The following DUOX1 variants were observed in gnomAD, a reference collection of about 807,000 sequenced individuals.
DUOX1 encodes the protein dual oxidase 1.
DUOX1 carries 134 observed loss-of-function variants against 181.8 expected under a neutral mutation model. The observed-to-expected ratio is 0.74, with a 90% CI of 0.64 to 0.85. DUOX1 has a LOEUF of 0.85. Ranked by LOEUF, DUOX1 falls within the 40% of genes least tolerant of loss-of-function variation. DUOX1 has a pLI of 0.00. For synonymous variants in DUOX1, 798 were observed against 832.5 expected, an observed-to-expected ratio of 0.96 and a Z score of 0.71; for missense variants, 1,814 against 2,064.4, an observed-to-expected ratio of 0.88 and a Z score of 2.35.
intron 33 of DUOX1, 51 bp downstream of exon 33, chr15:45,163,969 G>C: frequency 3.1e-6 from 5 of 1,593,324 alleles, no homozygotes; most frequent in Non-Finnish European, 4.3e-6. Context: ...TTTGGGGTCT[G>C]AGCAAAGCTC....
In DUOX1 at chr15:45,151,142, G is replaced by T; in HGVS notation, c.2908G>T (p.Ala970Ser). The T allele has an allele frequency of 1.2e-6, 2 of 1,614,138 alleles. No individual in the cohort carries two copies. The highest frequency in any genetic ancestry group is 1.7e-6 in the Non-Finnish European group (2 of 1,180,014). Residue 970 changes from alanine to serine, a missense_variant, in exon 23 of 34, where the codon GCC becomes TCC. Ala to Ser is a moderately conservative substitution (Grantham distance 99, BLOSUM62 1). Coordinates refer to ENST00000389037, the MANE Select transcript of DUOX1 (RefSeq NM_175940.3). ...TCTTAGTCCCTCTCCCAGAGTGAGT[G>T]CCCGCTGTTCCCGCAGCGACATTGA... ...DMICPSPRVS[A>S]RCSRSDIETE...
At chr15:45,155,004 G>A (rs1462908993) in intron 27 of DUOX1, among the ~76,000 whole-genome samples, 7 of 152,246 alleles carry the variant, frequency 4.6e-5, no homozygotes, top group Admixed American at 4.6e-4. Flanking sequence ...GCTGTGTGCT[G>A]TGGCAGCCAA....
rs1425078657 is a variant in DUOX1, at chr15:45,157,848, A to T, written c.3702+1919A>T. 2.6e-5 allele frequency among the ~76,000 whole-genome samples: 4 copies of T among 151,826 alleles called. No homozygotes were observed. In the East Asian group the frequency reaches 7.7e-4, roughly 29 times the overall value. ...AAAAAAAAGAAATAAAAAAGGAAAA[A>T]AGAAAGGTGGAGGCCTCTATGCTAG... On this transcript the variant is annotated intron_variant, in intron 28 of 33. Transcript: ENST00000389037.
At position 45,147,457 on chromosome 15, in the gene DUOX1, G is replaced by A. The variant is rs762923757; in HGVS notation, c.2347G>A (p.Ala783Thr). The A allele has an allele frequency of 8.5e-5, 137 of 1,613,730 alleles. No homozygotes were observed. Among genetic ancestry groups the A allele is most frequent in the Non-Finnish European group, 1.1e-4 (134 of 1,179,910 alleles). The stretch of plus-strand genomic sequence containing the variant: ...GGTGCTGGACATCAACCAGGCCGAC[G>A]CAGGGACCCTGCCCCTGGACTCCTC... ...SQVLDINQADAGTLPLDSSQK... is the reference protein window; with the variant it reads ...SQVLDINQADTGTLPLDSSQK... Residue 783 changes from alanine (A) to threonine (T), a missense_variant, in exon 19 of 34, where the codon GCA becomes ACA. Ala to Thr is a moderately conservative substitution (Grantham distance 58). Around this residue, in one of 5 missense-constraint regions of DUOX1, gnomAD observed 1,064 missense variants for 1,152.9 expected, o/e 0.92. Transcript: ENST00000389037.
In DUOX1 at chr15:45,163,853, A is replaced by G. The variant is rs774400821; in HGVS notation, c.4468A>G (p.Ile1490Val). The change falls in exon 33 of 34, where the codon ATC becomes GTC. Residue 1490 changes from isoleucine (I) to valine (V), a missense_variant. Ile to Val is a conservative substitution (Grantham distance 29, BLOSUM62 3). This residue lies in a region of DUOX1 where 124 missense variants were observed against 125.7 expected (regional missense o/e 0.99). Coordinates refer to ENST00000389037, the MANE Select transcript of DUOX1 (RefSeq NM_175940.3). ...NRSLFTGLRS[I>V]THFGRPPFEP... ...GAGTCTATTCACAGGCCTGCGCTCC[A>G]TCACCCACTTTGGCCGTCCCCCCTT... 45 of 1,613,918 alleles carry G rather than the reference A, an allele frequency of 2.8e-5. No homozygotes were observed. The highest frequency in any genetic ancestry group is 1.0e-4 in the Admixed American group (6 of 59,984).
At chr15:45,150,006 T>C (rs1896761764) in intron 21 of DUOX1, among the ~76,000 whole-genome samples, 1 of 152,240 alleles carries the variant, frequency 6.6e-6, no homozygotes, top group Admixed American at 6.5e-5. Context: ...TCTTTTGACC[T>C]CAACTATAGA....
chr15:45,133,540 C>T (rs1368984137), intron 2 of DUOX1, among the ~76,000 whole-genome samples: 1 of 152,116 alleles, frequency 6.6e-6, no homozygotes, highest in African/African-American at 2.4e-5. Context: ...AGTAAAGTCC[C>T]CTGCATCCTA....
chr15:45,135,142 C>T lies in DUOX1; in HGVS notation c.346C>T (p.Pro116Ser), dbSNP rs200522609. ...TTCAGACCTGGTGAGCGTGGAAACT[C>T]CCGGCTGCCCCGCCGAGTTCCTCAA... is the stretch of plus-strand genomic sequence containing the variant. ...VLSDLVSVET[P>S]GCPAEFLNIR... The change falls in exon 5 of 34, where the codon CCC (proline) becomes TCC (serine). Residue 116 changes from proline to serine, a missense_variant. Coordinates refer to ENST00000389037, the MANE Select transcript of DUOX1 (RefSeq NM_175940.3). 1.2e-6 allele frequency: 2 copies of T among 1,613,710 alleles called. No individual in the cohort carries two copies. The highest frequency in any genetic ancestry group is 3.3e-5 in the Admixed American group (2 of 59,990).
chr15:45,136,607 C>A lies in DUOX1; in HGVS notation c.1004C>A (p.Pro335His). 6.2e-7 allele frequency: 1 copy of A among 1,614,050 alleles called. No individual in the cohort carries two copies. The highest frequency in any genetic ancestry group is 8.5e-7 in the Non-Finnish European group (1 of 1,180,012). Reference sequence around the variant, plus strand: ...GAGCAGTTCCTGTCCACCATGGTGCCCCCTGGCGTCTACATGAGGTGAGGG... The same window carrying A: ...GAGCAGTTCCTGTCCACCATGGTGCACCCTGGCGTCTACATGAGGTGAGGG... ...ASEQFLSTMV[P>H]PGVYMRNASC... Residue 335 changes from proline to histidine, a missense_variant, in exon 9 of 34, where the codon CCC (proline) becomes CAC (histidine). Transcript: ENST00000389037.
rs1300070154 is a variant in DUOX1, at chr15:45,161,442, G to A, written c.3857-296G>A. On this transcript the variant is annotated intron_variant, in intron 29 of 33. Transcript: ENST00000389037. ...AAAAAAAAAAAAAAAAAAAAAAAAG[G>A]AAGGAGGGAGGGAGGGAGGGAGGAA... is the stretch of plus-strand genomic sequence containing the variant. Among the ~76,000 whole-genome samples, 478 of 93,380 alleles carry A rather than the reference G, an allele frequency of 5.1e-3. 1 individual carries two copies. Among genetic ancestry groups the A allele is most frequent in the African/African-American group, 0.014 (389 of 28,322 alleles). The allele number at this position is 93,380 out of a possible 152,430, so 61.3% of individuals were successfully genotyped here.
intron 25 of DUOX1, 35 bp downstream of exon 25, chr15:45,152,551 G>A (rs367909674): frequency 1.7e-5 from 27 of 1,587,472 alleles, no homozygotes; most frequent in African/African-American, 2.7e-5. Flanking sequence ...GCTCTCCAGG[G>A]CCTCCCGCCC....
intron 14 of DUOX1, 60 bp downstream of exon 14, chr15:45,141,470 T>A: frequency 6.4e-7 from 1 of 1,552,702 alleles, no homozygotes. Context: ...CCTCTTCAGC[T>A]CTGGGCTTGG....
intron 9 of DUOX1, among the ~76,000 whole-genome samples, chr15:45,136,894 A>G (rs1595577395): frequency 6.6e-6 from 1 of 152,176 alleles, no homozygotes; most frequent in Non-Finnish European, 1.5e-5. Flanking sequence ...AGGGTGTCAC[A>G]AAGTCCACTG....
rs766884647 is a variant in DUOX1, at chr15:45,151,998, T to A, written c.3139T>A (p.Cys1047Ser). 6.2e-7 allele frequency: 1 copy of A among 1,614,168 alleles called. No individual in the cohort carries two copies. The highest frequency in any genetic ancestry group is 8.5e-7 in the Non-Finnish European group (1 of 1,180,026). The change falls in exon 24 of 34, where the codon TGC (cysteine) becomes AGC (serine). Residue 1047 changes from cysteine to serine, a missense_variant. Physicochemically the swap from Cys to Ser is moderately radical, Grantham distance 112. Transcript: ENST00000389037. Reference protein sequence around the residue: ...FIENYRRHIGCVAVFYAIAGG... With the variant: ...FIENYRRHIGSVAVFYAIAGG... The stretch of plus-strand genomic sequence containing the variant: ...TGAGAACTACCGGCGCCACATCGGC[T>A]GCGTGGCCGTGTTCTACGCCATCGC...
chr15:45,161,999 T>C (rs910417562), intron 30 of DUOX1, 29 bp downstream of exon 30: 4 of 1,578,926 alleles, frequency 2.5e-6, no homozygotes, highest in Non-Finnish European at 3.4e-6. Context: ...ACATGCCACA[T>C]GCGCCCATAT....
rs757012163 is a variant in DUOX1, at chr15:45,160,847, A to G, written c.3713A>G (p.His1238Arg). The change falls in exon 29 of 34, where the codon CAT becomes CGT. Residue 1238 changes from histidine to arginine, a missense_variant. His to Arg is a conservative substitution (Grantham distance 29). This residue lies in a region of DUOX1 where 279 missense variants were observed against 381.9 expected (regional missense o/e 0.73). Transcript: ENST00000389037. ...CTTTCCTCCATCTAGCTCATCATCC[A>G]TGGTAGCTTTGCCCTGATCCAGCTG... Reference protein sequence around the residue: ...YILLYVLLIIHGSFALIQLPR... With the variant: ...YILLYVLLIIRGSFALIQLPR... 5 of 1,607,210 alleles carry G rather than the reference A, an allele frequency of 3.1e-6. No individual in the cohort carries two copies. Among genetic ancestry groups the G allele is most frequent in the South Asian group, 2.2e-5 (2 of 89,752 alleles).
At chr15:45,133,770 A>T in intron 2 of DUOX1, 94 bp from the exon 3 acceptor site, 2 of 1,072,408 alleles carry the variant, frequency 1.9e-6, no homozygotes, top group Non-Finnish European at 2.8e-6. Context: ...CTGCTGCTCC[A>T]AGTGCCAGGC....
chr15:45,137,957 T>C lies in DUOX1; in HGVS notation c.1056T>C (p.Asn352=). 1 of 1,610,088 alleles carries C rather than the reference T, an allele frequency of 6.2e-7. No individual in the cohort carries two copies. Residue 352 remains asparagine (N), a synonymous_variant, in exon 10 of 34, where the codon AAT becomes AAC. Coordinates refer to ENST00000389037, the MANE Select transcript of DUOX1 (RefSeq NM_175940.3). ...GCTGCCACTTCCAGGGGGTCATCAA[T>C]CGGAACTCAAGTGTCTCCAGAGCTC... The part of the protein sequence containing the change: ...NASCHFQGVI[N]RNSSVSRALR...
intron 21 of DUOX1, among the ~76,000 whole-genome samples, chr15:45,149,819 C>G (rs1896758332): frequency 6.6e-6 from 1 of 152,222 alleles, no homozygotes; most frequent in Admixed American, 6.5e-5. Flanking sequence ...CCACTGCACT[C>G]CAACCTGGGC....
Sources: allele counts gnomAD v4.1 joint callset (sites outside exome capture counted in the v4.1 genomes callset), GRCh38; gene constraint gnomAD v4.1.1; regional missense constraint gnomAD v4.1.1; transcripts MANE v1.5; gene names NCBI Gene and HGNC (gene_info 2026-07-23, HGNC 2026-07-21).